The following COX7A2L variants were observed in gnomAD, a reference collection of about 807,000 sequenced individuals.
COX7A2L encodes the protein cytochrome c oxidase subunit 7A2-like, mitochondrial.
A neutral mutation model predicts 14.2 loss-of-function variants in COX7A2L; 18 were observed. That is an observed-to-expected ratio of 1.27 (90% CI 0.88 to 1.88). The LOEUF (loss-of-function observed/expected upper bound fraction) is 1.88, where lower values mean the gene tolerates loss of function less well. COX7A2L is among the 40% of genes most tolerant of loss of function. The pLI is 0.00. For synonymous variants in COX7A2L, 65 were observed against 57.4 expected (o/e 1.13, Z -0.60); for missense variants, 179 against 138.8 (o/e 1.29, Z -1.46).
At chr2:42,366,116 C>T (rs1249107036), upstream of COX7A2L, among the ~76,000 whole-genome samples, 2 of 152,118 alleles carry the variant, frequency 1.3e-5, no homozygotes, top group Non-Finnish European at 2.9e-5. Flanking sequence ...AGAAAAGCTA[C>T]CTGAATCTAT....
chr2:42,351,328 C>T lies in COX7A2L; in HGVS notation c.236G>A (p.Arg79Gln), dbSNP rs1010774893. ...GTAAAGCATTTGGTCAGGCAGGCCT[C>T]GTTTCAGGTAGACGGGCACACCATC... Reference protein sequence around the residue: ...KADGVPVYLKRGLPDQMLYRT... With the variant: ...KADGVPVYLKQGLPDQMLYRT... The change falls in exon 3 of 3, where the codon CGA (arginine) becomes CAA (glutamine). Residue 79 changes from arginine to glutamine, a missense_variant. Arg to Gln is a conservative substitution (Grantham distance 43). Transcript: ENST00000234301. 9.9e-6 allele frequency: 16 copies of T among 1,614,068 alleles called. No homozygotes were observed. The highest frequency in any genetic ancestry group is 1.4e-5 in the Non-Finnish European group (16 of 1,180,000).
chr2:42,342,354 C>T lies in COX7A2L; in HGVS notation c.193-8485G>A, dbSNP rs1445490678. ...TGAGCTCTCTGCTTGGCAAGATGCC[C>T]TCAGAAACCACCCCAATTTCTGCAC... On this transcript the variant is annotated intron_variant, in intron 2 of 2. Transcript: ENST00000468711. The surrounding 1 kb of genome is among the most constrained non-coding windows in gnomAD (Gnocchi z 4.9). 1.3e-5 allele frequency among the ~76,000 whole-genome samples: 2 copies of T among 152,126 alleles called. No individual in the cohort carries two copies. Among genetic ancestry groups the T allele is most frequent in the Admixed American group, 6.5e-5 (1 of 15,268 alleles).
chr2:42,347,076 G>A (rs1027467835), downstream of COX7A2L, among the ~76,000 whole-genome samples: 2 of 152,094 alleles, frequency 1.3e-5, no homozygotes, highest in African/African-American at 4.8e-5. Flanking sequence ...ATGTTGCCCA[G>A]GCTGGTCTTG....
chr2:42,365,144 T>A (rs1459330629), upstream of COX7A2L, among the ~76,000 whole-genome samples: 5 of 152,252 alleles, frequency 3.3e-5, no homozygotes, highest in African/African-American at 1.2e-4. Flanking sequence ...TGACATCATC[T>A]GTAAAATTAC....
At chr2:42,364,250 C>CAAAAAAAAAAAAA (rs35151680), upstream of COX7A2L, among the ~76,000 whole-genome samples, 20 of 85,416 alleles carry the variant, frequency 2.3e-4, no homozygotes, top group East Asian at 5.9e-4. Flanking sequence ...GACTCCGTCT[C>CAAAAAAAAAAAAA]AAAAAAAAAA....
downstream of COX7A2L, among the ~76,000 whole-genome samples, chr2:42,348,083 G>A (rs557796057): frequency 1.3e-5 from 2 of 152,264 alleles, no homozygotes; most frequent in South Asian, 4.1e-4. Context: ...GAACACAGAA[G>A]CCACATTTCA....
chr2:42,338,138 C>T lies in COX7A2L; in HGVS notation c.193-4269G>A, dbSNP rs999873316. Among the ~76,000 whole-genome samples, 3 of 152,176 alleles carry T rather than the reference C, an allele frequency of 2.0e-5. No individual in the cohort carries two copies. The highest frequency in any genetic ancestry group is 2.0e-4 in the Admixed American group (3 of 15,290). On this transcript the variant is annotated intron_variant, in intron 2 of 2. Transcript: ENST00000468711. The surrounding 1 kb of genome is among the most constrained non-coding windows in gnomAD (Gnocchi z 4.4). ...CGATGACGGTTGGTTGGTCCATAAC[C>T]CTACTCCCCATGCTCCTGGCCCACA...
chr2:42,351,960 G>A (rs1670661291), intron 2 of COX7A2L, among the ~76,000 whole-genome samples: 1 of 152,164 alleles, frequency 6.6e-6, no homozygotes, highest in South Asian at 2.1e-4. Flanking sequence ...TCTGGCCTGG[G>A]TGACAGAGTA....
chr2:42,367,222 G>C (rs1182644327), intron 1 of COX7A2L, among the ~76,000 whole-genome samples: 1 of 152,152 alleles, frequency 6.6e-6, no homozygotes, highest in Non-Finnish European at 1.5e-5. Flanking sequence ...TGACTAACCT[G>C]GGTCTGGATC....
At chr2:42,345,970 G>A (rs1293720731), downstream of COX7A2L, among the ~76,000 whole-genome samples, 1 of 152,118 alleles carries the variant, frequency 6.6e-6, no homozygotes, top group Non-Finnish European at 1.5e-5. Context: ...ACCTGGCAAG[G>A]GTTCAGAGTA....
At chr2:42,358,780 G>A (rs1301941423) in intron 1 of COX7A2L, among the ~76,000 whole-genome samples, 6 of 152,022 alleles carry the variant, frequency 3.9e-5, no homozygotes, top group Admixed American at 6.6e-5. Flanking sequence ...GTTTTTAGTC[G>A]AAAAATTTAC....
At chr2:42,364,200 G>A (rs1671113417), upstream of COX7A2L, among the ~76,000 whole-genome samples, 1 of 145,746 alleles carries the variant, frequency 6.9e-6, no homozygotes, top group South Asian at 2.2e-4. Flanking sequence ...GCAGTGAGCC[G>A]AGATCGCGCC....
chr2:42,362,914 T>G (rs934879536), upstream of COX7A2L, among the ~76,000 whole-genome samples: 2 of 150,726 alleles, frequency 1.3e-5, no homozygotes, highest in African/African-American at 4.9e-5. Flanking sequence ...TCTCACTCTG[T>G]CCCAGGCTGG....
At position 42,342,958 on chromosome 2, in the gene COX7A2L, T is replaced by C. The variant is rs966030619; in HGVS notation, c.193-9089A>G. The stretch of plus-strand genomic sequence containing the variant: ...GAGCCACAGAGGTCAGGAGGCCTGA[T>C]TCCAGCTTATGCAAGTGACAGTGGC... On this transcript the variant is annotated intron_variant, in intron 2 of 2. Coordinates refer to the COX7A2L transcript ENST00000468711. The surrounding 1 kb of genome is among the most constrained non-coding windows in gnomAD (Gnocchi z 4.9). Among the ~76,000 whole-genome samples the C allele has an allele frequency of 6.6e-6, 1 of 152,088 alleles. No individual in the cohort carries two copies. The highest frequency in any genetic ancestry group is 2.4e-5 in the African/African-American group (1 of 41,408).
At chr2:42,340,782 A>C (rs1277005550) in intron 2 of COX7A2L, among the ~76,000 whole-genome samples, 1 of 152,186 alleles carries the variant, frequency 6.6e-6, no homozygotes, top group Non-Finnish European at 1.5e-5. Flanking sequence ...GGGCCGCTCC[A>C]CTGCACTCTG....
chr2:42,361,370 C>T (rs550304803), upstream of COX7A2L: 8 of 549,924 alleles, frequency 1.5e-5, no homozygotes, highest in African/African-American at 1.5e-4. Flanking sequence ...AAGGCAAAAC[C>T]AGCTCTAAGA....
At chr2:42,361,270 G>T, upstream of COX7A2L, 1 of 995,264 alleles carries the variant, frequency 1.0e-6, no homozygotes, top group Non-Finnish European at 1.5e-6. Context: ...CCCGGTGCTG[G>T]GACTAGGGCT....
chr2:42,345,235 T>C (rs1486499591), downstream of COX7A2L, among the ~76,000 whole-genome samples: 1 of 151,036 alleles, frequency 6.6e-6, no homozygotes, highest in Admixed American at 6.6e-5. Flanking sequence ...ATACAAAAAT[T>C]AGCCAGGTCT....
Position 42,338,551 on chromosome 2 carries a change from G to C in COX7A2L, c.193-4682C>G, listed in dbSNP as rs1235740957. On this transcript the variant is annotated intron_variant, in intron 2 of 2. Coordinates refer to the COX7A2L transcript ENST00000468711. The surrounding 1 kb of genome is among the most constrained non-coding windows in gnomAD (Gnocchi z 4.4). ...TTAGCAGAAACGTTTGCCAGGCTTG[G>C]ACATTTCCATGGAGAAGATGATTAA... Among the ~76,000 whole-genome samples, 1 of 152,118 alleles carries C rather than the reference G, an allele frequency of 6.6e-6. No individual in the cohort carries two copies. Among genetic ancestry groups the C allele is most frequent in the Non-Finnish European group, 1.5e-5 (1 of 68,026 alleles).
Sources: allele counts gnomAD v4.1 joint callset (sites outside exome capture counted in the v4.1 genomes callset), GRCh38; gene constraint gnomAD v4.1.1; non-coding constraint Gnocchi (gnomAD v3.1); transcripts MANE v1.5; gene names NCBI Gene and HGNC (gene_info 2026-07-23, HGNC 2026-07-21).